Variants in FILIP1L observed in about 807,000 individuals in gnomAD.
The protein encoded by FILIP1L is filamin A interacting protein 1 like, also known as filamin A-interacting protein 1-like.
Under a neutral mutation model 96.6 loss-of-function variants are expected in FILIP1L, and 55 were observed. The observed-to-expected ratio is 0.57, with a 90% CI of 0.46 to 0.71. The LOEUF is 0.71. Ranked by LOEUF, FILIP1L falls within the 30% of genes least tolerant of loss-of-function variation. The probability of loss-of-function intolerance (pLI) is 0.00; values close to 1 mark genes in which losing one functional copy is unlikely to be tolerated. For synonymous variants in FILIP1L, 467 were observed against 473.9 expected (o/e 0.99, Z 0.19); for missense variants, 1,304 against 1,321.2 (o/e 0.99, Z 0.20).
intron 1 of FILIP1L, among the ~76,000 whole-genome samples, chr3:100,055,398 C>G (rs1382278897): frequency 6.6e-6 from 1 of 152,174 alleles, no homozygotes; most frequent in Non-Finnish European, 1.5e-5. Flanking sequence ...TGGCCATATG[C>G]TCTTCTCGGA....
intron 1 of FILIP1L, among the ~76,000 whole-genome samples, chr3:99,982,933 A>G (rs935680403): frequency 1.3e-4 from 20 of 152,188 alleles, no homozygotes; most frequent in African/African-American, 7.2e-5. Flanking sequence ...TGTTACATCA[A>G]AGTAATACAT....
intron 1 of FILIP1L, chr3:100,075,541 A>G (rs375030083): frequency 1.3e-5 from 2 of 148,820 alleles, no homozygotes; most frequent in African/African-American, 4.9e-5. Context: ...TCATATCCCA[A>G]TCTTTGTCTT....
intron 4 of FILIP1L, among the ~76,000 whole-genome samples, chr3:99,852,385 C>A (rs986727243): frequency 2.0e-5 from 3 of 152,148 alleles, no homozygotes; most frequent in African/African-American, 7.2e-5. Context: ...GTCTATCATC[C>A]TTATCACAGA....
At chr3:100,048,146 C>T (rs2065308017) in intron 1 of FILIP1L, among the ~76,000 whole-genome samples, 2 of 152,194 alleles carry the variant, frequency 1.3e-5, no homozygotes, top group South Asian at 4.1e-4. Context: ...CTGTTTGCCC[C>T]ACAAATGACC....
chr3:100,044,581 G>A (rs1314502507), intron 1 of FILIP1L, among the ~76,000 whole-genome samples: 7 of 152,148 alleles, frequency 4.6e-5, no homozygotes, highest in Non-Finnish European at 1.0e-4. Flanking sequence ...GTGAAAGAGA[G>A]GGAAGTAGAA....
intron 4 of FILIP1L, among the ~76,000 whole-genome samples, chr3:99,852,225 G>A (rs1275594132): frequency 6.6e-6 from 1 of 152,176 alleles, no homozygotes; most frequent in Non-Finnish European, 1.5e-5. Context: ...CTGTTATACA[G>A]AAGCTAAAAT....
At chr3:100,037,566 C>T (rs1001781877) in intron 1 of FILIP1L, among the ~76,000 whole-genome samples, 1 of 152,096 alleles carries the variant, frequency 6.6e-6, no homozygotes, top group South Asian at 2.1e-4. Flanking sequence ...TTTTTGTCTC[C>T]CAACAAAGTT....
intron 4 of FILIP1L, among the ~76,000 whole-genome samples, chr3:99,916,493 T>A (rs1706958997): frequency 6.8e-6 from 1 of 146,242 alleles, no homozygotes; most frequent in African/African-American, 2.6e-5. Flanking sequence ...CACGTTCTGT[T>A]TCTCTGGAGG....
intron 5 of FILIP1L, among the ~76,000 whole-genome samples, chr3:99,830,919 G>C (rs1028304260): frequency 1.3e-5 from 2 of 152,228 alleles, no homozygotes; most frequent in Non-Finnish European, 2.9e-5. Flanking sequence ...AGAGCCATGA[G>C]ATTGCCAGAG....
chr3:100,024,558 T>C (rs975120144), intron 1 of FILIP1L, among the ~76,000 whole-genome samples: 3 of 152,160 alleles, frequency 2.0e-5, no homozygotes, highest in African/African-American at 7.2e-5. Context: ...TGGTTATATT[T>C]CACCAGTTTA....
chr3:100,019,056 G>T (rs964815582), intron 1 of FILIP1L, among the ~76,000 whole-genome samples: 1 of 152,200 alleles, frequency 6.6e-6, no homozygotes, highest in African/African-American at 2.4e-5. Context: ...TGTTGGCAAA[G>T]TGTGAGGAAG....
At chr3:100,077,490 G>C (rs2065867832) in intron 1 of FILIP1L, among the ~76,000 whole-genome samples, 1 of 152,220 alleles carries the variant, frequency 6.6e-6, no homozygotes, top group African/African-American at 2.4e-5. Flanking sequence ...AAGGCAGTGT[G>C]TATTTAAGAT....
chr3:100,009,543 C>A (rs1352886966), intron 1 of FILIP1L, among the ~76,000 whole-genome samples: 1 of 152,200 alleles, frequency 6.6e-6, no homozygotes, highest in African/African-American at 2.4e-5. Context: ...TGAGCCTTTT[C>A]ACTTGATAGA....
chr3:99,851,940 G>C (rs1469110886), intron 4 of FILIP1L, among the ~76,000 whole-genome samples: 1 of 152,200 alleles, frequency 6.6e-6, no homozygotes, highest in Non-Finnish European at 1.5e-5. Flanking sequence ...GGTTTGGTAG[G>C]AAAGTGCTTA....
intron 1 of FILIP1L, among the ~76,000 whole-genome samples, chr3:99,990,045 C>T (rs1709466837): frequency 6.6e-6 from 1 of 152,062 alleles, no homozygotes; most frequent in Admixed American, 6.6e-5. Context: ...CATAAAATGA[C>T]TATTTTTGCA....
intron 1 of FILIP1L, among the ~76,000 whole-genome samples, chr3:100,072,260 A>C (rs181881312): frequency 9.2e-5 from 14 of 152,360 alleles, no homozygotes; most frequent in Middle Eastern, 3.4e-3. Context: ...TTATTCAGTC[A>C]GAAATAGAAT....
intron 1 of FILIP1L, among the ~76,000 whole-genome samples, chr3:99,956,511 C>G (rs1276526647): frequency 1.3e-5 from 2 of 152,190 alleles, no homozygotes; most frequent in Non-Finnish European, 2.9e-5. Context: ...CACTACCACA[C>G]TCGGCTAATG....
intron 1 of FILIP1L, chr3:100,025,531 GGAAAGAT>G (rs1340806491): frequency 1.3e-5 from 2 of 152,082 alleles, no homozygotes; most frequent in Non-Finnish European, 2.9e-5. Flanking sequence ...GAAGGAACGG[GGAAAGAT>G]GTTATACTCG....
chr3:99,868,880 T>G lies in FILIP1L; in HGVS notation c.606-17810A>C, dbSNP rs192089351. Among the ~76,000 whole-genome samples the G allele has an allele frequency of 2.6e-5, 4 of 152,336 alleles. No homozygotes were observed. In the East Asian group the frequency reaches 7.7e-4, roughly 29 times the overall value. On this transcript the variant is annotated intron_variant, in intron 4 of 5. Transcript: ENST00000477258. Reference sequence around the variant, plus strand: ...CCCTTACAGCTTTATTACCTAAATATTCTACATTATTTTGTACTGCTTTCT... The same window carrying G: ...CCCTTACAGCTTTATTACCTAAATAGTCTACATTATTTTGTACTGCTTTCT...
Sources: gnomAD v4.1 joint callset for allele counts (sites outside exome capture counted in the v4.1 genomes callset) on GRCh38, gnomAD v4.1.1 for gene constraint, MANE v1.5 for transcripts, NCBI Gene and HGNC (gene_info 2026-07-23, HGNC 2026-07-21) for gene names.